TANK: variants seen among roughly 807,000 people sequenced by gnomAD.
The protein encoded by TANK is TRAF family member associated NFKB activator.
TANK carries 15 observed loss-of-function variants against 43.6 expected under a neutral mutation model. The ratio of observed to expected loss-of-function variants is 0.34; its 90% CI spans 0.23 to 0.53. The LOEUF (loss-of-function observed/expected upper bound fraction) is 0.53, where lower values mean the gene tolerates loss of function less well. TANK is among the 20% of genes least tolerant of loss of function. The pLI, the probability that TANK is intolerant of heterozygous loss-of-function variation, is 0.94. For missense variants in TANK, 417 were observed against 498.6 expected (o/e 0.84, Z 1.56); for synonymous variants, 162 against 178.2 (o/e 0.91, Z 0.73).
chr2:161,213,761 G>T (rs182272659), intron 4 of TANK, among the ~76,000 whole-genome samples: 3 of 150,856 alleles, frequency 2.0e-5, no homozygotes, highest in Non-Finnish European at 4.4e-5. Context: ...TATTTGAAAA[G>T]GGGAAGAGTA....
At chr2:161,208,340 T>G (rs1250732264) in intron 4 of TANK, among the ~76,000 whole-genome samples, 2 of 152,178 alleles carry the variant, frequency 1.3e-5, no homozygotes, top group Non-Finnish European at 2.9e-5. Flanking sequence ...CAAAAATCCT[T>G]TGACTTCTAA....
chr2:161,180,549 CAAAGT>C (rs1037664761), intron 2 of TANK, among the ~76,000 whole-genome samples: 6 of 152,118 alleles, frequency 3.9e-5, no homozygotes, highest in Admixed American at 3.3e-4. Flanking sequence ...TCCATACGAT[CAAAGT>C]AAAGAGCAGA....
At chr2:161,169,280 T>C (rs546970711) in intron 1 of TANK, among the ~76,000 whole-genome samples, 1 of 152,304 alleles carries the variant, frequency 6.6e-6, no homozygotes, top group Non-Finnish European at 1.5e-5. Flanking sequence ...TCTGAATATA[T>C]TGAGGAGTTG....
At chr2:161,210,194 T>C (rs1191078958) in intron 4 of TANK, among the ~76,000 whole-genome samples, 1 of 152,170 alleles carries the variant, frequency 6.6e-6, no homozygotes, top group Non-Finnish European at 1.5e-5. Context: ...GCTGTGGAGC[T>C]GGCAATTGCA....
At chr2:161,152,577 C>A (rs925892602) in intron 1 of TANK, among the ~76,000 whole-genome samples, 8 of 152,012 alleles carry the variant, frequency 5.3e-5, no homozygotes, top group Non-Finnish European at 1.2e-4. Context: ...CTCTCTTTGT[C>A]CTCAGTTCAA....
chr2:161,168,447 C>T lies in TANK; in HGVS notation c.-50+7961C>T, dbSNP rs894705322. Reference sequence around the variant, plus strand: ...GAAAGGGCCCACCAAACACCTATTGCTATGATATAGTCCATGGCCAAGTAT... The same window carrying T: ...GAAAGGGCCCACCAAACACCTATTGTTATGATATAGTCCATGGCCAAGTAT... On this transcript the variant is annotated intron_variant, in intron 1 of 7. Transcript: ENST00000392749. Among the ~76,000 whole-genome samples the T allele has an allele frequency of 3.9e-5, 6 of 152,080 alleles. No homozygotes were observed. In the South Asian group the frequency reaches 6.2e-4, roughly 16 times the overall value.
intron 1 of TANK, among the ~76,000 whole-genome samples, chr2:161,143,065 T>G (rs1344126601): frequency 6.6e-6 from 1 of 152,176 alleles, no homozygotes; most frequent in Non-Finnish European, 1.5e-5. Flanking sequence ...TTCCTAGGTA[T>G]TTTATTCTCT....
intron 1 of TANK, among the ~76,000 whole-genome samples, chr2:161,138,999 T>C (rs1209851266): frequency 6.6e-6 from 1 of 152,224 alleles, no homozygotes; most frequent in East Asian, 1.9e-4. Flanking sequence ...AGGTACTTGA[T>C]AGGGATATTC....
chr2:161,146,824 T>C (rs1243349466), intron 1 of TANK, among the ~76,000 whole-genome samples: 3 of 152,146 alleles, frequency 2.0e-5, no homozygotes. Flanking sequence ...GCAAGACTTG[T>C]TTAATGAAAC....
chr2:161,201,349 GA>G, intron 2 of TANK: 2 of 831,680 alleles, frequency 2.4e-6, no homozygotes, highest in South Asian at 1.1e-4. Flanking sequence ...TTAAGCCAGA[GA>G]ATAGAAGATA....
At chr2:161,186,441 C>G (rs1360216403) in intron 2 of TANK, among the ~76,000 whole-genome samples, 1 of 151,828 alleles carries the variant, frequency 6.6e-6, no homozygotes, top group Non-Finnish European at 1.5e-5. Flanking sequence ...TTATTGCTTT[C>G]AAGGGCAGTC....
intron 1 of TANK, among the ~76,000 whole-genome samples, chr2:161,146,725 G>T (rs1001169205): frequency 2.0e-5 from 3 of 152,142 alleles, no homozygotes; most frequent in African/African-American, 7.2e-5. Context: ...ACCTTGAGGG[G>T]CACCAACCAG....
chr2:161,232,694 T>A, intron 7 of TANK: 1 of 1,531,336 alleles, frequency 6.5e-7, no homozygotes, highest in Non-Finnish European at 8.8e-7. Flanking sequence ...TGCTTGTTAC[T>A]TTTTTCTCTA....
At chr2:161,144,718 T>C (rs1482276696) in intron 1 of TANK, among the ~76,000 whole-genome samples, 1 of 152,336 alleles carries the variant, frequency 6.6e-6, no homozygotes, top group East Asian at 1.9e-4. Context: ...TACTTCCAAT[T>C]ATGTGGTCTA....
chr2:161,153,881 G>A (rs568602219), intron 1 of TANK, among the ~76,000 whole-genome samples: 4 of 152,210 alleles, frequency 2.6e-5, no homozygotes, highest in African/African-American at 9.6e-5. Context: ...AAAGTCATAT[G>A]ATTAGTAAAT....
chr2:161,147,020 T>C (rs1449930281), intron 1 of TANK, among the ~76,000 whole-genome samples: 2 of 152,086 alleles, frequency 1.3e-5, no homozygotes, highest in African/African-American at 4.8e-5. Context: ...AGTCCCTGGC[T>C]GGAGTTGTTG....
chr2:161,141,643 C>T (rs903284611), intron 1 of TANK, among the ~76,000 whole-genome samples: 8 of 152,168 alleles, frequency 5.3e-5, no homozygotes, highest in African/African-American at 1.7e-4. Context: ...TCATCCATGA[C>T]ACTGCAAAGG....
chr2:161,158,468 A>G (rs1258528648), upstream of TANK, among the ~76,000 whole-genome samples: 1 of 152,260 alleles, frequency 6.6e-6, no homozygotes, highest in African/African-American at 2.4e-5. Flanking sequence ...ATACAGGGGA[A>G]TTATGCAGCC....
At chr2:161,200,604 C>CT (rs943097501) in intron 2 of TANK, 10 of 926,728 alleles carry the variant, frequency 1.1e-5, no homozygotes, top group Non-Finnish European at 1.3e-5. Flanking sequence ...ATAAGCTTCC[C>CT]TTTTTAAAAA....
Sources: gnomAD v4.1 joint callset for allele counts (sites outside exome capture counted in the v4.1 genomes callset) on GRCh38, gnomAD v4.1.1 for gene constraint, MANE v1.5 for transcripts, NCBI Gene and HGNC (gene_info 2026-07-23, HGNC 2026-07-21) for gene names.